MEOX2: variants seen among roughly 807,000 people sequenced by gnomAD.
The protein encoded by MEOX2 is homeobox protein MOX-2.
Under a neutral mutation model 27.0 loss-of-function variants are expected in MEOX2, and 11 were observed. The ratio of observed to expected loss-of-function variants is 0.41; its 90% CI spans 0.26 to 0.68. The LOEUF (loss-of-function observed/expected upper bound fraction) is 0.68, where lower values mean the gene tolerates loss of function less well. MEOX2 is among the 30% of genes least tolerant of loss of function. MEOX2 has a pLI of 0.33. For missense variants in MEOX2, 436 were observed against 385.4 expected, an observed-to-expected ratio of 1.13 and a Z score of -1.10; for synonymous variants, 189 against 155.4, an observed-to-expected ratio of 1.22 and a Z score of -1.61.
chr7:15,659,248 G>C (rs1583775793), intron 1 of MEOX2, among the ~76,000 whole-genome samples: 1 of 151,946 alleles, frequency 6.6e-6, no homozygotes, highest in African/African-American at 2.4e-5. Flanking sequence ...TTATAAACTA[G>C]GCAATGTTAT....
chr7:15,669,626 T>G (rs1782065279), intron 1 of MEOX2, among the ~76,000 whole-genome samples: 1 of 152,230 alleles, frequency 6.6e-6, no homozygotes. Flanking sequence ...AATTGCGTAA[T>G]GTATGGCCAC....
At chr7:15,681,209 A>T (rs1782287089) in intron 1 of MEOX2, 1 of 151,858 alleles carries the variant, frequency 6.6e-6, no homozygotes, top group Admixed American at 6.6e-5. Context: ...TTTGCTCTGA[A>T]AATTTAGAAA....
At chr7:15,669,654 T>A (rs200069438) in intron 1 of MEOX2, among the ~76,000 whole-genome samples, 1 of 152,240 alleles carries the variant, frequency 6.6e-6, no homozygotes, top group Non-Finnish European at 1.5e-5. Flanking sequence ...CAGGCCCAGA[T>A]GTTTCACGGT....
At chr7:15,678,384 A>G (rs1480958439) in intron 1 of MEOX2, among the ~76,000 whole-genome samples, 3 of 152,200 alleles carry the variant, frequency 2.0e-5, no homozygotes, top group Non-Finnish European at 1.5e-5. Context: ...CTGTTGTTCT[A>G]CAAAACCAAG....
chr7:15,620,371 T>C (rs994311718), intron 2 of MEOX2, among the ~76,000 whole-genome samples: 1 of 152,054 alleles, frequency 6.6e-6, no homozygotes, highest in African/African-American at 2.4e-5. Flanking sequence ...ATGTATACAT[T>C]TGTAGAAATA....
At chr7:15,652,478 A>G (rs1374915097) in intron 1 of MEOX2, among the ~76,000 whole-genome samples, 1 of 152,080 alleles carries the variant, frequency 6.6e-6, no homozygotes, top group Non-Finnish European at 1.5e-5. Context: ...ACACTGCCAC[A>G]TTGGAAAAGA....
Position 15,686,163 on chromosome 7 carries a change from ATGGTGGTGATGGTGG to A in MEOX2, c.225_239del (p.His76_His80del). On this transcript the variant is annotated inframe_deletion, in exon 1 of 3. Transcript: ENST00000262041. ...GCAGAGCCTGGTGCTGCTGCTGCTG[ATGGTGGTGATGGTGG>A]TGGTGGTGGTGGTGGTGGTGGTGCC... is the stretch of plus-strand genomic sequence containing the variant. 6.6e-7 allele frequency: 1 copy of A among 1,519,970 alleles called. No individual in the cohort carries two copies. The highest frequency in any genetic ancestry group is 8.8e-7 in the Non-Finnish European group (1 of 1,139,186). 94.2% of individuals were successfully genotyped at this position (1,519,970 alleles called of 1,614,324 possible).
chr7:15,613,818 C>T (rs1781073930), intron 2 of MEOX2, among the ~76,000 whole-genome samples: 1 of 151,912 alleles, frequency 6.6e-6, no homozygotes, highest in Admixed American at 6.6e-5. Context: ...CACCATTTTT[C>T]TGTTCTACCA....
At chr7:15,679,806 T>A (rs1782263556) in intron 1 of MEOX2, 1 of 152,008 alleles carries the variant, frequency 6.6e-6, no homozygotes, top group African/African-American at 2.4e-5. Context: ...AAAGGGTTTT[T>A]CTATCTTTCA....
intron 1 of MEOX2, among the ~76,000 whole-genome samples, chr7:15,651,686 C>T (rs574437035): frequency 2.9e-4 from 44 of 152,058 alleles, no homozygotes; most frequent in African/African-American, 9.4e-4. Flanking sequence ...ACTCTGTACT[C>T]TTGATCAGTG....
At chr7:15,650,777 A>C (rs1330910588) in intron 1 of MEOX2, among the ~76,000 whole-genome samples, 1 of 152,078 alleles carries the variant, frequency 6.6e-6, no homozygotes, top group African/African-American at 2.4e-5. Context: ...AGTCAATGCA[A>C]TGAAAGAGTT....
intron 1 of MEOX2, among the ~76,000 whole-genome samples, chr7:15,640,467 C>T (rs1162928007): frequency 6.6e-6 from 1 of 152,094 alleles, no homozygotes; most frequent in Non-Finnish European, 1.5e-5. Context: ...ATCATGACAT[C>T]AGTAAACAGA....
intron 1 of MEOX2, among the ~76,000 whole-genome samples, chr7:15,635,294 C>A (rs1781462642): frequency 6.6e-6 from 1 of 151,952 alleles, no homozygotes; most frequent in African/African-American, 2.4e-5. Flanking sequence ...ATATCCTTTA[C>A]CTACTGCATG....
intron 1 of MEOX2, among the ~76,000 whole-genome samples, chr7:15,629,103 T>C (rs1006314925): frequency 3.9e-5 from 6 of 152,246 alleles, no homozygotes; most frequent in Non-Finnish European, 8.8e-5. Context: ...GAATGATTCA[T>C]GGTTAGCACA....
intron 1 of MEOX2, among the ~76,000 whole-genome samples, chr7:15,642,917 C>G (rs531178160): frequency 6.6e-6 from 1 of 152,106 alleles, no homozygotes; most frequent in Non-Finnish European, 1.5e-5. Context: ...TTCTTAAGCG[C>G]TATTTGTTTG....
At chr7:15,668,954 T>C (rs978502627) in intron 1 of MEOX2, among the ~76,000 whole-genome samples, 1 of 152,174 alleles carries the variant, frequency 6.6e-6, no homozygotes, top group South Asian at 2.1e-4. Flanking sequence ...TTCTAAGTGG[T>C]TTCTATTTAA....
intron 1 of MEOX2, among the ~76,000 whole-genome samples, chr7:15,630,228 C>T (rs1031008469): frequency 2.6e-5 from 4 of 152,082 alleles, no homozygotes; most frequent in Non-Finnish European, 1.5e-5. Context: ...CTCCCTGGGA[C>T]TACGCTAATG....
At chr7:15,678,661 A>G (rs1217125798) in intron 1 of MEOX2, among the ~76,000 whole-genome samples, 1 of 152,234 alleles carries the variant, frequency 6.6e-6, no homozygotes, top group Admixed American at 6.5e-5. Flanking sequence ...GACTCTGAAT[A>G]TATTTCACTA....
chr7:15,628,400 C>CA (rs1781348782), intron 1 of MEOX2, among the ~76,000 whole-genome samples: 1 of 152,074 alleles, frequency 6.6e-6, no homozygotes, highest in African/African-American at 2.4e-5. Flanking sequence ...GTTGCCTCAA[C>CA]ACCTTGGCAC....
Sources: allele counts gnomAD v4.1 joint callset (sites outside exome capture counted in the v4.1 genomes callset), GRCh38; gene constraint gnomAD v4.1.1; transcripts MANE v1.5; gene names NCBI Gene and HGNC (gene_info 2026-07-23, HGNC 2026-07-21).